The following FIGN variants were observed in gnomAD, a reference collection of about 807,000 sequenced individuals.
FIGN encodes the protein fidgetin.
A neutral mutation model predicts 51.3 loss-of-function variants in FIGN; 11 were observed. The observed-to-expected ratio is 0.21, with a 90% CI of 0.13 to 0.35. The LOEUF (loss-of-function observed/expected upper bound fraction) is 0.35. Among genes scored for constraint, FIGN ranks in the 10% least tolerant of loss-of-function variants. FIGN has a pLI of 1.00. For synonymous variants in FIGN, 407 were observed against 363.2 expected (o/e 1.12, Z -1.37); for missense variants, 857 against 943.6 (o/e 0.91, Z 1.20).
intron 2 of FIGN, among the ~76,000 whole-genome samples, chr2:163,709,031 T>C (rs1227425721): frequency 6.6e-6 from 1 of 152,188 alleles, no homozygotes; most frequent in African/African-American, 2.4e-5. Flanking sequence ...AATACGGCAA[T>C]GGGTGTCCTT....
At chr2:163,661,967 A>C (rs1304424706) in intron 2 of FIGN, among the ~76,000 whole-genome samples, 10 of 152,186 alleles carry the variant, frequency 6.6e-5, no homozygotes, top group Admixed American at 6.5e-4. Flanking sequence ...AATTAGTACC[A>C]GTAGAGTGAG....
intron 2 of FIGN, among the ~76,000 whole-genome samples, chr2:163,720,938 T>C (rs1362604663): frequency 6.6e-6 from 1 of 152,092 alleles, no homozygotes; most frequent in East Asian, 1.9e-4. Flanking sequence ...AAAAATTCTA[T>C]TACTGACAGC....
At position 163,735,055 on chromosome 2, in the gene FIGN, G is replaced by T. The variant is rs912304970; in HGVS notation, c.-128C>A. On this transcript the variant is annotated 5_prime_UTR_variant, in exon 2 of 3. Transcript: ENST00000333129. ...ACTGCCTTGAAACGTGGGCCCTTTC[G>T]TCAGGTATTCATTTAACCTACATGC... is the stretch of plus-strand genomic sequence containing the variant. 3.6e-6 allele frequency: 3 copies of T among 831,774 alleles called. No homozygotes were observed. Among genetic ancestry groups the T allele is most frequent in the African/African-American group, 1.7e-5 (1 of 57,176 alleles). The allele number at this position is 831,774 out of a possible 1,614,324, so 51.5% of individuals were successfully genotyped here.
In FIGN at chr2:163,624,683, T is replaced by C. The variant is rs970617626; in HGVS notation, c.26-12877A>G. Among the ~76,000 whole-genome samples, 12 of 80,252 alleles carry C rather than the reference T, an allele frequency of 1.5e-4. No homozygotes were observed. In the East Asian group the frequency reaches 3.7e-3, roughly 25 times the overall value. The allele number at this position is 80,252 out of a possible 152,430, so 52.6% of individuals were successfully genotyped here. A position where few individuals can be genotyped will look rare whatever the true frequency, so the allele number is the denominator to read the frequency against. On this transcript the variant is annotated intron_variant, in intron 2 of 2. Coordinates refer to ENST00000333129, the MANE Select transcript of FIGN (RefSeq NM_018086.4). ...TCCAAAGCATCAAGGAAAGATTATA[T>C]ATACATACATATATATATATATATA... is the stretch of plus-strand genomic sequence containing the variant.
intron 2 of FIGN, among the ~76,000 whole-genome samples, chr2:163,625,188 T>C (rs894073610): frequency 6.6e-6 from 1 of 151,970 alleles, no homozygotes; most frequent in African/African-American, 2.4e-5. Flanking sequence ...TCAGTATTCC[T>C]ATACTTCAGA....
Position 163,609,405 on chromosome 2 carries a change from C to T in FIGN, c.*147G>A. 1 of 693,270 alleles carries T rather than the reference C, an allele frequency of 1.4e-6. No homozygotes were observed. The highest frequency in any genetic ancestry group is 2.3e-6 in the Non-Finnish European group (1 of 426,084). 42.9% of individuals were successfully genotyped at this position (693,270 alleles called of 1,614,324 possible). A position where few individuals can be genotyped will look rare whatever the true frequency, so the allele number is the denominator to read the frequency against. Reference sequence around the variant, plus strand: ...TGATGCACTTTTCCTCCAAATCTACCCTGACTCTAAAGATGCAACTTAATC... The same window carrying T: ...TGATGCACTTTTCCTCCAAATCTACTCTGACTCTAAAGATGCAACTTAATC... On this transcript the variant is annotated 3_prime_UTR_variant, in exon 3 of 3. Coordinates refer to ENST00000333129, the MANE Select transcript of FIGN (RefSeq NM_018086.4).
At chr2:163,683,950 A>G (rs1684105563) in intron 2 of FIGN, among the ~76,000 whole-genome samples, 1 of 152,194 alleles carries the variant, frequency 6.6e-6, no homozygotes, top group South Asian at 2.1e-4. Flanking sequence ...TATACATAAT[A>G]TGATTTTTCC....
intron 2 of FIGN, among the ~76,000 whole-genome samples, chr2:163,640,143 T>C (rs1050250036): frequency 1.3e-5 from 2 of 152,150 alleles, no homozygotes; most frequent in African/African-American, 4.8e-5. Flanking sequence ...TTACAGAAAA[T>C]TTCCAACTGG....
Position 163,610,460 on chromosome 2 carries a change from CCA to C in FIGN, c.1370_1371del (p.Val457GlyfsTer8). The C allele has an allele frequency of 6.2e-7, 1 of 1,614,130 alleles. No homozygotes were observed. The highest frequency in any genetic ancestry group is 8.5e-7 in the Non-Finnish European group (1 of 1,180,034). On this transcript the variant is annotated frameshift_variant, in exon 3 of 3. Coordinates refer to ENST00000333129, the MANE Select transcript of FIGN (RefSeq NM_018086.4). LOFTEE classifies it high-confidence loss of function. Reference protein sequence around the residue: ...LRAATSSNHSVDEQLKNTDTH... With the variant: ...LRAATSSNHSXDEQLKNTDTH... The stretch of plus-strand genomic sequence containing the variant: ...GTGTCAGTATTCTTCAGTTGCTCGT[CCA>C]CAGAGTGGTTGGATGAGGTAGCTGC...
chr2:163,620,872 T>TGTGG (rs71410076), intron 2 of FIGN, among the ~76,000 whole-genome samples: 4 of 151,714 alleles, frequency 2.6e-5, no homozygotes, highest in Non-Finnish European at 5.9e-5. Flanking sequence ...TGTGTGTGTG[T>TGTGG]GTGTGTGTTC....
intron 2 of FIGN, among the ~76,000 whole-genome samples, chr2:163,664,205 C>T (rs756335314): frequency 2.0e-4 from 30 of 152,194 alleles, no homozygotes; most frequent in Non-Finnish European, 1.6e-4. Context: ...GACTTGAAGT[C>T]CCTCCTACCC....
intron 2 of FIGN, among the ~76,000 whole-genome samples, chr2:163,669,048 CTTA>C (rs1444440370): frequency 6.2e-5 from 8 of 128,508 alleles, no homozygotes; most frequent in African/African-American, 2.9e-4. Flanking sequence ...ACTATAAATT[CTTA>C]TTATATAAAG....
chr2:163,668,527 T>G (rs747621980), intron 2 of FIGN, among the ~76,000 whole-genome samples: 2 of 152,246 alleles, frequency 1.3e-5, no homozygotes, highest in African/African-American at 4.8e-5. Flanking sequence ...AATGAAAGCC[T>G]GATTTGAATT....
At chr2:163,641,822 G>A (rs1020883207) in intron 2 of FIGN, among the ~76,000 whole-genome samples, 7 of 152,312 alleles carry the variant, frequency 4.6e-5, no homozygotes, top group African/African-American at 1.7e-4. Flanking sequence ...TATGACCTGT[G>A]TTGGTAACAA....
In FIGN at chr2:163,608,009, G is replaced by C. The variant is rs1009839462; in HGVS notation, c.*1543C>G. Reference sequence around the variant, plus strand: ...GACTGAGGTGGAAGTAAGCACAAATGCTGATGTCTTTGGAAACTAGATTTA... The same window carrying C: ...GACTGAGGTGGAAGTAAGCACAAATCCTGATGTCTTTGGAAACTAGATTTA... On this transcript the variant is annotated 3_prime_UTR_variant, in exon 3 of 3. Transcript: ENST00000333129. 6.6e-6 allele frequency: 1 copy of C among 152,664 alleles called. No homozygotes were observed. The highest frequency in any genetic ancestry group is 2.4e-5 in the African/African-American group (1 of 41,458). The allele number at this position is 152,664 out of a possible 1,614,324, so 9.5% of individuals were successfully genotyped here.
intron 2 of FIGN, among the ~76,000 whole-genome samples, chr2:163,669,080 TGTAA>T (rs1040636252): frequency 6.0e-5 from 9 of 150,176 alleles, no homozygotes; most frequent in African/African-American, 9.9e-5. Flanking sequence ...TTCATCCTGC[TGTAA>T]GTATTAATTT....
In FIGN at chr2:163,627,482, C is replaced by T. The variant is rs374588812; in HGVS notation, c.26-15676G>A. ...TCAACTGGGCATAATAAAATGGTAA[C>T]GGTAATGGGGAGCATGTTAATCAAG... On this transcript the variant is annotated intron_variant, in intron 2 of 2. Transcript: ENST00000333129. 4.6e-5 allele frequency among the ~76,000 whole-genome samples: 7 copies of T among 151,992 alleles called. No homozygotes were observed. In the East Asian group the frequency reaches 5.8e-4, roughly 13 times the overall value.
chr2:163,676,070 C>G (rs1365946705), intron 2 of FIGN, among the ~76,000 whole-genome samples: 1 of 151,174 alleles, frequency 6.6e-6, no homozygotes, highest in Non-Finnish European at 1.5e-5. Flanking sequence ...ATCCTCAATG[C>G]CAGTGTGGAA....
In FIGN at chr2:163,607,973, T is replaced by A. The variant is rs891589235; in HGVS notation, c.*1579A>T. On this transcript the variant is annotated 3_prime_UTR_variant, in exon 3 of 3. Transcript: ENST00000333129. ...ATGCCACTTATGCCATGGGTAGGGG[T>A]GGGGCTGGTAGACTGAGGTGGAAGT... is the stretch of plus-strand genomic sequence containing the variant. The A allele has an allele frequency of 5.9e-5, 9 of 152,472 alleles. No homozygotes were observed. Among genetic ancestry groups the A allele is most frequent in the African/African-American group, 2.2e-4 (9 of 41,386 alleles). 9.4% of individuals were successfully genotyped at this position (152,472 alleles called of 1,614,324 possible).
Sources: allele counts gnomAD v4.1 joint callset (sites outside exome capture counted in the v4.1 genomes callset), GRCh38; gene constraint gnomAD v4.1.1; transcripts MANE v1.5; gene names NCBI Gene and HGNC (gene_info 2026-07-23, HGNC 2026-07-21).